Variants in LRP6 observed in about 807,000 individuals in gnomAD.
LRP6 encodes LDL receptor related protein 6, also known as low-density lipoprotein receptor-related protein 6.
Under a neutral mutation model 184.1 loss-of-function variants are expected in LRP6, and 43 were observed. The observed-to-expected ratio is 0.23, with a 90% confidence interval of 0.18 to 0.30. The LOEUF (loss-of-function observed/expected upper bound fraction) is 0.30. LRP6 is among the 10% of genes least tolerant of loss of function. The pLI is 1.00. For missense variants in LRP6, 1,571 were observed against 2,005.3 expected (o/e 0.78, Z 4.14); for synonymous variants, 719 against 684.9 (o/e 1.05, Z -0.78).
chr12:12,166,889 G>A (rs1392493467), intron 7 of LRP6, among the ~76,000 whole-genome samples: 4 of 152,146 alleles, frequency 2.6e-5, no homozygotes, highest in Admixed American at 1.3e-4. Context: ...CTTAAGCCTT[G>A]GGTTTCAAGA....
chr12:12,250,409 A>T (rs995770881), intron 1 of LRP6, among the ~76,000 whole-genome samples: 6 of 150,438 alleles, frequency 4.0e-5, no homozygotes, highest in African/African-American at 1.5e-4. Flanking sequence ...AACCTTACCT[A>T]CTCTGTAACC....
chr12:12,238,062 T>G (rs1313019981), intron 2 of LRP6, among the ~76,000 whole-genome samples: 7 of 152,188 alleles, frequency 4.6e-5, no homozygotes, highest in Admixed American at 4.6e-4. Flanking sequence ...TATACTGTTT[T>G]CTCTACTTTT....
chr12:12,140,412 G>C (rs368887660), intron 15 of LRP6, among the ~76,000 whole-genome samples: 2 of 152,032 alleles, frequency 1.3e-5, no homozygotes, highest in East Asian at 3.9e-4. Flanking sequence ...TACAGCTACA[G>C]TCAAGAAGGT....
chr12:12,249,540 A>G, intron 1 of LRP6: 1 of 547,822 alleles, frequency 1.8e-6, no homozygotes, highest in East Asian at 2.9e-5. Context: ...TTTCCACAGC[A>G]GCAAATTTTC....
rs933011777 is a variant in LRP6 at position 12,116,473 on chromosome 12, A to C, written c.*4653T>G. On this transcript the variant is annotated 3_prime_UTR_variant, in exon 23 of 23. Coordinates refer to ENST00000261349, the MANE Select transcript of LRP6 (RefSeq NM_002336.3). The stretch of plus-strand genomic sequence containing the variant: ...TATTGGATTTAATCAGACTTTAAAA[A>C]TTTTCCCTTTAATACCCATATTTAG... 6.6e-6 allele frequency: 1 copy of C among 151,770 alleles called. No individual in the cohort carries two copies. Among genetic ancestry groups the C allele is most frequent in the African/African-American group, 2.4e-5 (1 of 41,084 alleles). The allele number at this position is 151,770 out of a possible 1,614,324, so 9.4% of individuals were successfully genotyped here.
intron 7 of LRP6, among the ~76,000 whole-genome samples, chr12:12,172,587 A>C (rs554251645): frequency 1.4e-4 from 21 of 152,360 alleles, no homozygotes; most frequent in Admixed American, 1.1e-3. Flanking sequence ...AATTATGCCC[A>C]AAATGAACCA....
intron 1 of LRP6, among the ~76,000 whole-genome samples, chr12:12,249,696 G>C: frequency 7.4e-6 from 1 of 135,040 alleles, no homozygotes; most frequent in African/African-American, 2.8e-5. Flanking sequence ...AGGAAGGAAG[G>C]AAGGAAGGAA....
At chr12:12,243,143 C>T (rs1591980693) in intron 2 of LRP6, among the ~76,000 whole-genome samples, 1 of 152,270 alleles carries the variant, frequency 6.6e-6, no homozygotes, top group Non-Finnish European at 1.5e-5. Flanking sequence ...CCATGACAGA[C>T]TAGCCATGAC....
At chr12:12,217,042 T>C (rs2135861666) in intron 2 of LRP6, among the ~76,000 whole-genome samples, 1 of 152,228 alleles carries the variant, frequency 6.6e-6, no homozygotes, top group South Asian at 2.1e-4. Context: ...ACACAAATCC[T>C]TTATAACTGG....
Position 12,162,156 on chromosome 12 carries a change from C to T in LRP6, c.2279+37G>A, listed in dbSNP as rs755736031. Reference sequence around the variant, plus strand: ...TATGCCATGTTCCCCGAAATGTACACTGCAGTTGCAAAGAATGCACATGTA... The same window carrying T: ...TATGCCATGTTCCCCGAAATGTACATTGCAGTTGCAAAGAATGCACATGTA... On this transcript the variant is annotated intron_variant, in intron 10 of 22. Coordinates refer to ENST00000261349, the MANE Select transcript of LRP6 (RefSeq NM_002336.3). 3 of 1,489,118 alleles carry T rather than the reference C, an allele frequency of 2.0e-6. No homozygotes were observed. The East Asian group carries it at 6.8e-5, about 34-fold the overall frequency. The allele number at this position is 1,489,118 out of a possible 1,614,324, so 92.2% of individuals were successfully genotyped here.
intron 3 of LRP6, 79 bp from the exon 4 acceptor site, chr12:12,187,198 T>C: frequency 8.4e-7 from 1 of 1,187,666 alleles, no homozygotes; most frequent in Admixed American, 1.9e-5. Context: ...CCCATTAAAA[T>C]GATCTTAGTT....
At chr12:12,251,080 G>C (rs1800982204) in intron 1 of LRP6, among the ~76,000 whole-genome samples, 1 of 151,570 alleles carries the variant, frequency 6.6e-6, no homozygotes. Flanking sequence ...ACAGGCGCTC[G>C]CCACCACACC....
chr12:12,187,914 A>G (rs931160370), intron 3 of LRP6, among the ~76,000 whole-genome samples: 3 of 152,128 alleles, frequency 2.0e-5, no homozygotes, highest in Non-Finnish European at 4.4e-5. Flanking sequence ...GAGTTATAGA[A>G]TAAGCAAATG....
intron 2 of LRP6, among the ~76,000 whole-genome samples, chr12:12,233,847 T>C (rs1488739661): frequency 6.6e-6 from 1 of 152,128 alleles, no homozygotes; most frequent in Non-Finnish European, 1.5e-5. Context: ...CTTTAAAATA[T>C]CTCAGCTAAT....
Position 12,133,386 on chromosome 12 carries a change from G to T in LRP6, c.3734-1329C>A, listed in dbSNP as rs531049553. Among the ~76,000 whole-genome samples the T allele has an allele frequency of 2.0e-5, 3 of 152,128 alleles. No homozygotes were observed. In the South Asian group the frequency reaches 6.2e-4, roughly 32 times the overall value. ...CTCCTGATAGTAAATGAATTCTTGG[G>T]AGAGCTGGTTGTTTAAAAGTGTGTG... On this transcript the variant is annotated intron_variant, in intron 17 of 22. Coordinates refer to ENST00000261349, the MANE Select transcript of LRP6 (RefSeq NM_002336.3).
chr12:12,138,461 G>C lies in LRP6; in HGVS notation c.3471C>G (p.Leu1157=), dbSNP rs1667878849. 8 of 1,613,896 alleles carry C rather than the reference G, an allele frequency of 5.0e-6. No individual in the cohort carries two copies. Among genetic ancestry groups the C allele is most frequent in the Admixed American group, 1.7e-5 (1 of 59,988 alleles). ...TTTGCTGCTGTTTATCAATCCAATA[G>C]AGCCAGTTTTCAAACACAGTAAGTC... is the stretch of plus-strand genomic sequence containing the variant. ...PVGLTVFENW[L]YWIDKQQQMI... Residue 1157 remains leucine (L), a synonymous_variant, in exon 16 of 23, where the codon CTC becomes CTG. Coordinates refer to ENST00000261349, the MANE Select transcript of LRP6 (RefSeq NM_002336.3).
intron 17 of LRP6, among the ~76,000 whole-genome samples, chr12:12,133,833 C>T (rs1949790782): frequency 9.4e-6 from 1 of 106,670 alleles, no homozygotes; most frequent in Non-Finnish European, 1.7e-5. Context: ...TAGGGAAACA[C>T]ATGCTATTTT....
intron 20 of LRP6, among the ~76,000 whole-genome samples, chr12:12,126,162 A>G (rs1255295205): frequency 6.6e-6 from 1 of 152,220 alleles, no homozygotes; most frequent in East Asian, 1.9e-4. Context: ...GGCCTACCCA[A>G]GCTTAAAACT....
intron 2 of LRP6, among the ~76,000 whole-genome samples, chr12:12,234,865 G>A (rs1272566987): frequency 6.7e-6 from 1 of 149,354 alleles, no homozygotes; most frequent in African/African-American, 2.5e-5. Context: ...TCTGAGAACG[G>A]AGATATAATA....
Sources: gnomAD v4.1 joint callset for allele counts (sites outside exome capture counted in the v4.1 genomes callset) on GRCh38, gnomAD v4.1.1 for gene constraint, MANE v1.5 for transcripts, NCBI Gene and HGNC (gene_info 2026-07-23, HGNC 2026-07-21) for gene names.